Variants in LILRA2 observed in about 807,000 individuals in gnomAD.
LILRA2 encodes the protein leukocyte immunoglobulin like receptor A2.
In LILRA2, 45 loss-of-function variants were observed where a neutral mutation model predicts 47.9. The observed-to-expected ratio is 0.94, with a 90% confidence interval of 0.74 to 1.20. The LOEUF is 1.20. Ranked by LOEUF, LILRA2 falls within the 50% of genes most tolerant of loss-of-function variation. The probability of loss-of-function intolerance (pLI) is 0.00; values close to 1 mark genes in which losing one functional copy is unlikely to be tolerated. For synonymous variants in LILRA2, 279 were observed against 249.2 expected, an observed-to-expected ratio of 1.12 and a Z score of -1.13; for missense variants, 651 against 598.2, an observed-to-expected ratio of 1.09 and a Z score of -0.92.
rs748202889 is a variant in LILRA2, at chr19:54,575,481, G to C, written c.881G>C (p.Arg294Thr). The change falls in exon 5 of 8, where the codon AGA becomes ACA. Residue 294 changes from arginine (R) to threonine (T), a missense_variant. Arg to Thr is a moderately conservative substitution (Grantham distance 71). Coordinates refer to ENST00000391738, the MANE Select transcript of LILRA2 (RefSeq NM_001130917.3). ...AGCCCCTCCCACGGGGGCCAGTACA[G>C]ATGCTACAGTGCACACAACCTCTCC... ...PVSPSHGGQY[R>T]CYSAHNLSSE... is the part of the protein sequence containing the mutation. 2.7e-5 allele frequency: 44 copies of C among 1,612,956 alleles called. No individual in the cohort carries two copies. The highest frequency in any genetic ancestry group is 1.7e-4 in the Admixed American group (10 of 59,958).
At chr19:54,577,363 A>G in intron 6 of LILRA2, 1 of 963,644 alleles carries the variant, frequency 1.0e-6, no homozygotes, top group Non-Finnish European at 1.4e-6. Flanking sequence ...TGACTTGGAC[A>G]CTGGGAAGAT....
At position 54,574,177 on chromosome 19, in the gene LILRA2, A is replaced by T. The variant is rs934970468; in HGVS notation, c.70+66A>T. 4.3e-6 allele frequency: 7 copies of T among 1,614,094 alleles called. No homozygotes were observed. The African/African-American group carries it at 5.3e-5, about 12-fold the overall frequency. ...TAGGGACAAGGGGCCACCCCCGTGC[A>T]GCTGGGGATGGGGAATAGCAGTTCT... On this transcript the variant is annotated intron_variant, in intron 2 of 7. Transcript: ENST00000391738.
chr19:54,575,169 A>T, intron 4 of LILRA2, 87 bp from the exon 5 acceptor site: 1 of 1,548,106 alleles, frequency 6.5e-7, no homozygotes, highest in Non-Finnish European at 8.7e-7. Flanking sequence ...CTGGGGCCGG[A>T]GACACAGGAA....
chr19:54,577,540 G>T, intron 6 of LILRA2: 1 of 1,289,752 alleles, frequency 7.8e-7, no homozygotes, highest in Non-Finnish European at 1.0e-6. Flanking sequence ...GAGGCTGCTT[G>T]GGCCTCGGTG....
chr19:54,573,666 T>G, upstream of LILRA2: 1 of 861,548 alleles, frequency 1.2e-6, no homozygotes, highest in Middle Eastern at 2.6e-4. Flanking sequence ...CTGAAATGTC[T>G]GCAGAGGGCC....
rs1193341821 is a variant in LILRA2 at position 54,589,992 on chromosome 19, A to T, written c.*2646A>T. Reference sequence around the variant, plus strand: ...TCCAGTAGTTTTAAAATTACTTTGTATCTATTCTAGATATCGTTTGCTCTA... The same window carrying T: ...TCCAGTAGTTTTAAAATTACTTTGTTTCTATTCTAGATATCGTTTGCTCTA... On this transcript the variant is annotated 3_prime_UTR_variant, in exon 8 of 8. Transcript: ENST00000391738. 2 of 152,210 alleles carry T rather than the reference A, an allele frequency of 1.3e-5. No homozygotes were observed. The highest frequency in any genetic ancestry group is 2.9e-5 in the Non-Finnish European group (2 of 68,036). 9.4% of individuals were successfully genotyped at this position (152,210 alleles called of 1,614,324 possible). A position where few individuals can be genotyped will look rare whatever the true frequency, so the allele number is the denominator to read the frequency against.
At chr19:54,586,914 A>G (rs1385264940) in intron 6 of LILRA2, 96 bp from the exon 7 acceptor site, 2 of 878,534 alleles carry the variant, frequency 2.3e-6, no homozygotes, top group South Asian at 1.7e-5. Context: ...GAGGAACTCC[A>G]TAAAACTCAT....
intron 6 of LILRA2, among the ~76,000 whole-genome samples, chr19:54,580,279 C>A (rs2062609820): frequency 8.6e-6 from 1 of 116,806 alleles, no homozygotes; most frequent in Non-Finnish European, 1.7e-5. Context: ...TATACATGTG[C>A]CATGCTGGTG....
chr19:54,587,423 G>A lies in LILRA2; in HGVS notation c.*77G>A. On this transcript the variant is annotated 3_prime_UTR_variant, in exon 8 of 8. Transcript: ENST00000391738. ...TCTGATGATCCCAGGAGGCTCTGGA[G>A]GACAATCTAGGACCTACATTATCTG... 6.3e-7 allele frequency: 1 copy of A among 1,587,670 alleles called. No homozygotes were observed. The highest frequency in any genetic ancestry group is 8.6e-7 in the Non-Finnish European group (1 of 1,165,804).
chr19:54,586,259 C>T (rs1254393870), intron 6 of LILRA2, among the ~76,000 whole-genome samples: 2 of 152,156 alleles, frequency 1.3e-5, no homozygotes, highest in Non-Finnish European at 2.9e-5. Context: ...ACATATTTGA[C>T]ATGACAGGTC....
rs2062888603 is a variant in LILRA2, at chr19:54,589,392, A to G, written c.*2046A>G. On this transcript the variant is annotated 3_prime_UTR_variant, in exon 8 of 8. Coordinates refer to ENST00000391738, the MANE Select transcript of LILRA2 (RefSeq NM_001130917.3). ...GTGGTACACGCCTGTAATCCCAGCT[A>G]CTCAGGAGGCTGAGACAGGAGAATC... 1 of 152,096 alleles carries G rather than the reference A, an allele frequency of 6.6e-6. No individual in the cohort carries two copies. Among genetic ancestry groups the G allele is most frequent in the Non-Finnish European group, 1.5e-5 (1 of 68,016 alleles). The allele number at this position is 152,096 out of a possible 1,614,324, so 9.4% of individuals were successfully genotyped here. A position where few individuals can be genotyped will look rare whatever the true frequency, so the allele number is the denominator to read the frequency against.
intron 7 of LILRA2, 33 bp downstream of exon 7, chr19:54,587,093 G>T (rs2062833657): frequency 6.2e-7 from 1 of 1,612,330 alleles, no homozygotes; most frequent in Non-Finnish European, 8.5e-7. Context: ...TTATGGGACT[G>T]GCACAGAGGG....
In LILRA2 at chr19:54,574,625, AG is replaced by A. The variant is rs776074887; in HGVS notation, c.352+45del. 1.7e-5 allele frequency: 27 copies of A among 1,607,956 alleles called. No individual in the cohort carries two copies. The Admixed American group carries it at 4.4e-4, about 26-fold the overall frequency. On this transcript the variant is annotated intron_variant, in intron 3 of 7. Coordinates refer to ENST00000391738, the MANE Select transcript of LILRA2 (RefSeq NM_001130917.3). ...AGTCCCAGCCCCAGGCTCTGCCCTC[AG>A]GAAGGGGGTCGGCTCTCAGGGGCAT... is the stretch of plus-strand genomic sequence containing the variant.
intron 6 of LILRA2, among the ~76,000 whole-genome samples, chr19:54,585,338 A>C (rs1220669556): frequency 6.6e-6 from 1 of 152,224 alleles, no homozygotes; most frequent in East Asian, 1.9e-4. Context: ...GGGACGTTTA[A>C]GTCTGCAGAA....
At chr19:54,573,378 C>G (rs745355547), upstream of LILRA2, 52 of 807,316 alleles carry the variant, frequency 6.4e-5, no homozygotes, top group Non-Finnish European at 1.0e-4. Context: ...AGTCTAACTG[C>G]AGCATGGACC....
At chr19:54,575,731 T>A in intron 5 of LILRA2, 76 bp from the exon 6 acceptor site, 1 of 1,599,662 alleles carries the variant, frequency 6.3e-7, no homozygotes, top group Non-Finnish European at 8.5e-7. Context: ...AGACTAAGGG[T>A]CCCAGGGAGA....
At position 54,575,579 on chromosome 19, in the gene LILRA2, G is replaced by A. The variant is rs766163185; in HGVS notation, c.952+27G>A. 11 of 1,609,628 alleles carry A rather than the reference G, an allele frequency of 6.8e-6. No individual in the cohort carries two copies. The East Asian group carries it at 2.5e-4, about 36-fold the overall frequency. On this transcript the variant is annotated intron_variant, in intron 5 of 7. Coordinates refer to ENST00000391738, the MANE Select transcript of LILRA2 (RefSeq NM_001130917.3). ...TGAGGAGCCCAGCGGGTTCAGTCAGGGACCCAGGCTCTGCACAGGCCCTGC... is the reference window on the plus strand; with the variant it reads ...TGAGGAGCCCAGCGGGTTCAGTCAGAGACCCAGGCTCTGCACAGGCCCTGC...
chr19:54,574,718 C>A lies in LILRA2; in HGVS notation c.353-13C>A. Reference sequence around the variant, plus strand: ...GGGAGCCCCATTTAACACAGTGCCTCCTTCTCTCCTAGGAGCCTACAGCAA... The same window carrying A: ...GGGAGCCCCATTTAACACAGTGCCTACTTCTCTCCTAGGAGCCTACAGCAA... On this transcript the variant is annotated splice_polypyrimidine_tract_variant and intron_variant, in intron 3 of 7. Transcript: ENST00000391738. 6.2e-7 allele frequency: 1 copy of A among 1,613,244 alleles called. No individual in the cohort carries two copies.
chr19:54,585,757 G>A (rs1051446019), intron 6 of LILRA2, among the ~76,000 whole-genome samples: 3 of 152,178 alleles, frequency 2.0e-5, no homozygotes, highest in Admixed American at 1.3e-4. Flanking sequence ...CCCAGGTGAG[G>A]CGACACCCCA....
Sources: allele counts gnomAD v4.1 joint callset (sites outside exome capture counted in the v4.1 genomes callset), GRCh38; gene constraint gnomAD v4.1.1; transcripts MANE v1.5; gene names NCBI Gene and HGNC (gene_info 2026-07-23, HGNC 2026-07-21).